Variants in VIL1 observed in about 807,000 individuals in gnomAD.
VIL1 encodes the protein villin 1.
VIL1 carries 86 observed loss-of-function variants against 104.0 expected under a neutral mutation model. The ratio of observed to expected loss-of-function variants is 0.83; its 90% CI spans 0.69 to 0.99. The LOEUF is 0.99. Ranked by LOEUF, VIL1 falls within the 50% of genes least tolerant of loss-of-function variation. The pLI, the probability that VIL1 is intolerant of heterozygous loss-of-function variation, is 0.00. For missense variants in VIL1, 944 were observed against 1,054.1 expected (o/e 0.90, Z 1.45); for synonymous variants, 394 against 412.6 (o/e 0.95, Z 0.55).
chr2:218,442,305 G>A (rs899161395), intron 19 of VIL1, among the ~76,000 whole-genome samples: 2 of 152,146 alleles, frequency 1.3e-5, no homozygotes, highest in African/African-American at 4.8e-5. Context: ...GTCCTTTGAG[G>A]TTTAGATACA....
intron 17 of VIL1, among the ~76,000 whole-genome samples, chr2:218,437,639 T>C (rs923339974): frequency 1.3e-5 from 2 of 152,256 alleles, no homozygotes; most frequent in Non-Finnish European, 2.9e-5. Flanking sequence ...ACTAGCCACA[T>C]GTGGCAGCTG....
intron 18 of VIL1, 41 bp from the exon 19 acceptor site, chr2:218,440,681 G>C (rs2305833): frequency 0.56 from 905,991 of 1,610,968 alleles, 263,809 homozygotes; most frequent in East Asian, 0.76. Context: ...AGGTAGCTGT[G>C]CACCAGCTAA....
At chr2:218,425,494 T>C (rs975265794) in intron 3 of VIL1, 121 bp from the exon 4 acceptor site, 2 of 946,978 alleles carry the variant, frequency 2.1e-6, no homozygotes, top group Non-Finnish European at 1.6e-6. Context: ...GCCAGCCTAG[T>C]GCACTTGCCC....
chr2:218,438,658 A>C lies in VIL1; in HGVS notation c.2161A>C (p.Asn721His). Residue 721 changes from asparagine to histidine, a missense_variant and splice_region_variant, in exon 18 of 20, where the codon AAC becomes CAC. Asn to His is a moderately conservative substitution (Grantham distance 68, BLOSUM62 1). Coordinates refer to ENST00000248444, the MANE Select transcript of VIL1 (RefSeq NM_007127.3). ...AATCTGTTATTTACTTTATGTGCAG[A>C]ACACCAAATCCTATGAGGACCTGAA... ...FLAWDPFKWS[N>H]TKSYEDLKAE... The C allele has an allele frequency of 1.9e-6, 3 of 1,611,634 alleles. No individual in the cohort carries two copies. Among genetic ancestry groups the C allele is most frequent in the Non-Finnish European group, 2.5e-6 (3 of 1,179,304 alleles).
chr2:218,434,609 CA>C lies in VIL1; in HGVS notation c.1586del (p.Lys529ArgfsTer124). 6.2e-7 allele frequency: 1 copy of C among 1,614,166 alleles called. No individual in the cohort carries two copies. The highest frequency in any genetic ancestry group is 8.5e-7 in the Non-Finnish European group (1 of 1,180,020). On this transcript the variant is annotated frameshift_variant, in exon 14 of 20. Transcript: ENST00000248444. LOFTEE classifies it high-confidence loss of function. ...TCCAGGGAACTGGCGCCAACAACAC[CA>C]AGGCCTTTGAGGTCCCAGCGCGGGC... ...QVQGTGANNTKAFEVPARANF... is the reference protein window; with the variant it reads ...QVQGTGANNTXAFEVPARANF...
At chr2:218,435,855 CAG>C (rs1387506257) in intron 15 of VIL1, among the ~76,000 whole-genome samples, 2 of 152,298 alleles carry the variant, frequency 1.3e-5, no homozygotes, top group East Asian at 1.9e-4. Context: ...GTTTTTGTGA[CAG>C]AGTCTCGCTC....
chr2:218,435,839 TG>T (rs893197198), intron 15 of VIL1, among the ~76,000 whole-genome samples: 3 of 152,154 alleles, frequency 2.0e-5, no homozygotes, highest in African/African-American at 7.2e-5. Flanking sequence ...CAAATGGTTT[TG>T]TTTTGTTTTT....
At chr2:218,449,110 C>T in intron 19 of VIL1, 113 bp from the exon 20 acceptor site, 9 of 755,200 alleles carry the variant, frequency 1.2e-5, no homozygotes, top group Non-Finnish European at 2.1e-5. Flanking sequence ...GTTTACTCTT[C>T]ATTTATTTGA....
chr2:218,436,365 G>A, intron 15 of VIL1, 117 bp from the exon 16 acceptor site: 1 of 1,340,636 alleles, frequency 7.5e-7, no homozygotes, highest in Non-Finnish European at 1.0e-6. Context: ...AGAAGATAGA[G>A]CATTTTGCTG....
Position 218,452,568 on chromosome 2 carries a change from C to T in VIL1, c.*3232C>T, listed in dbSNP as rs973505315. ...AATTTGAGTCCCAAACATGCAAGTA[C>T]ATGAGCAGTGAGATAACTTATATAT... On this transcript the variant is annotated 3_prime_UTR_variant, in exon 20 of 20. Transcript: ENST00000248444. 1 of 152,144 alleles carries T rather than the reference C, an allele frequency of 6.6e-6. No homozygotes were observed. The highest frequency in any genetic ancestry group is 2.4e-5 in the African/African-American group (1 of 41,444). 9.4% of individuals were successfully genotyped at this position (152,144 alleles called of 1,614,324 possible).
At chr2:218,437,424 G>C (rs1024711251) in intron 17 of VIL1, 112 bp downstream of exon 17, 10 of 1,326,754 alleles carry the variant, frequency 7.5e-6, no homozygotes, top group Non-Finnish European at 1.0e-5. Context: ...TTTAGAAAGG[G>C]GCTAGAGGAG....
intron 19 of VIL1, among the ~76,000 whole-genome samples, chr2:218,444,441 G>A (rs1225046292): frequency 4.6e-5 from 7 of 151,896 alleles, no homozygotes; most frequent in Admixed American, 2.6e-4. Context: ...CATCACGCCC[G>A]GCTAATTTTA....
At chr2:218,433,367 G>A (rs964584667) in intron 13 of VIL1, among the ~76,000 whole-genome samples, 10 of 152,168 alleles carry the variant, frequency 6.6e-5, no homozygotes, top group South Asian at 6.2e-4. Context: ...CCTGGGAGGC[G>A]GAGGTTGCAG....
At chr2:218,447,007 A>G (rs960811441) in intron 19 of VIL1, among the ~76,000 whole-genome samples, 8 of 151,824 alleles carry the variant, frequency 5.3e-5, no homozygotes, top group African/African-American at 1.9e-4. Context: ...CAAGTGATCC[A>G]CTCGCCTTGG....
At chr2:218,432,455 G>A (rs1395702282) in intron 12 of VIL1, 2 of 697,008 alleles carry the variant, frequency 2.9e-6, no homozygotes, top group Non-Finnish European at 5.2e-6. Flanking sequence ...CTAGATGCGA[G>A]GGAGCAGGGA....
At chr2:218,435,999 C>T (rs1689183219) in intron 15 of VIL1, among the ~76,000 whole-genome samples, 4 of 152,114 alleles carry the variant, frequency 2.6e-5, no homozygotes, top group South Asian at 4.1e-4. Context: ...CCACCGTGCC[C>T]GGCTAATTTT....
chr2:218,436,199 C>T (rs539490797), intron 15 of VIL1, among the ~76,000 whole-genome samples: 22 of 152,098 alleles, frequency 1.4e-4, no homozygotes, highest in African/African-American at 5.3e-4. Flanking sequence ...AGCAAAAGGG[C>T]ATGTACTGTA....
In VIL1 at chr2:218,432,114, C is replaced by A; in HGVS notation, c.1272C>A (p.Gly424=). The A allele has an allele frequency of 6.2e-7, 1 of 1,613,778 alleles. No homozygotes were observed. The highest frequency in any genetic ancestry group is 1.1e-5 in the South Asian group (1 of 91,070). Residue 424 remains glycine, a synonymous_variant, in exon 12 of 20, where the codon GGC becomes GGA. Transcript: ENST00000248444. ...DSKWLGHFYG[G]DCYLLLYTYL... ...AGTGGCTAGGCCACTTCTATGGGGG[C>A]GACTGCTACCTGCTGCTCTACACCT...
chr2:218,429,561 C>G, intron 7 of VIL1, 36 bp from the exon 8 acceptor site: 1 of 1,613,930 alleles, frequency 6.2e-7, no homozygotes, highest in East Asian at 2.2e-5. Context: ...GGGACTTGGG[C>G]CCCCTCCCCA....
Sources: gnomAD v4.1 joint callset for allele counts (sites outside exome capture counted in the v4.1 genomes callset) on GRCh38, gnomAD v4.1.1 for gene constraint, MANE v1.5 for transcripts, NCBI Gene and HGNC (gene_info 2026-07-23, HGNC 2026-07-21) for gene names.